The following WDR26 variants were observed in gnomAD, a reference collection of about 807,000 sequenced individuals.
WDR26 encodes WD repeat domain 26.
In WDR26, 5 loss-of-function variants were observed where a neutral mutation model predicts 84.1. The observed-to-expected ratio is 0.06, with a 90% CI of 0.03 to 0.13. The LOEUF (loss-of-function observed/expected upper bound fraction) is 0.13. Ranked by LOEUF, WDR26 falls within the 10% of genes least tolerant of loss-of-function variation. The pLI, the probability that WDR26 is intolerant of heterozygous loss-of-function variation, is 1.00. For missense variants in WDR26, 642 were observed against 974.9 expected, an observed-to-expected ratio of 0.66 and a Z score of 4.55; for synonymous variants, 415 against 389.6, an observed-to-expected ratio of 1.07 and a Z score of -0.77.
intron 6 of WDR26, among the ~76,000 whole-genome samples, chr1:224,416,764 C>A (rs1056137866): frequency 1.3e-5 from 2 of 151,874 alleles, no homozygotes; most frequent in African/African-American, 4.8e-5. Context: ...ATTTATGAAC[C>A]AAAAAAAGAT....
At chr1:224,419,436 C>T (rs1673993436) in intron 5 of WDR26, 82 bp downstream of exon 5, 3 of 1,047,376 alleles carry the variant, frequency 2.9e-6, no homozygotes, top group Admixed American at 1.8e-5. Context: ...CCAGATATTC[C>T]CCATCTGTCT....
intron 4 of WDR26, among the ~76,000 whole-genome samples, chr1:224,423,887 G>C (rs1674135890): frequency 6.6e-6 from 1 of 152,216 alleles, no homozygotes; most frequent in East Asian, 1.9e-4. Flanking sequence ...AGAGTATGTA[G>C]ATAGAGAATA....
At chr1:224,433,087 A>G (rs1056128326) in intron 1 of WDR26, among the ~76,000 whole-genome samples, 3 of 152,108 alleles carry the variant, frequency 2.0e-5, no homozygotes. Context: ...CGACATCAAC[A>G]CTGTATCTTC....
At chr1:224,414,726 C>A (rs557970199) in intron 6 of WDR26, among the ~76,000 whole-genome samples, 2 of 152,172 alleles carry the variant, frequency 1.3e-5, no homozygotes, top group South Asian at 4.2e-4. Context: ...ATACCTGTAA[C>A]CCTAGCACTT....
intron 3 of WDR26, chr1:224,430,220 T>C (rs1333493167): frequency 1.3e-5 from 2 of 152,322 alleles, no homozygotes; most frequent in East Asian, 1.9e-4. Context: ...TGAATATAGA[T>C]GTTTAACTAT....
rs1189152691 is a variant in WDR26, at chr1:224,434,121, C to T, written c.285G>A (p.Leu95=). The change falls in exon 1 of 14, where the codon CTG becomes CTA. Residue 95 remains leucine, a synonymous_variant. Transcript: ENST00000414423. Reference sequence around the variant, plus strand: ...TGGCCTGCATGATGCTGCCGCTGACCAGGCTGTGGCCGCTACTTCGGTGGG... The same window carrying T: ...TGGCCTGCATGATGCTGCCGCTGACTAGGCTGTGGCCGCTACTTCGGTGGG... 5 of 1,426,152 alleles carry T rather than the reference C, an allele frequency of 3.5e-6. No individual in the cohort carries two copies. Among genetic ancestry groups the T allele is most frequent in the Non-Finnish European group, 4.6e-6 (5 of 1,093,848 alleles). The allele number at this position is 1,426,152 out of a possible 1,614,324, so 88.3% of individuals were successfully genotyped here.
At chr1:224,414,680 G>T (rs1339565362) in intron 6 of WDR26, among the ~76,000 whole-genome samples, 3 of 151,914 alleles carry the variant, frequency 2.0e-5, no homozygotes, top group Non-Finnish European at 4.4e-5. Flanking sequence ...TAAATAATAG[G>T]AATTAAATTT....
chr1:224,385,490 T>C lies in WDR26; in HGVS notation c.*4345A>G, dbSNP rs537882772. 2.8e-4 allele frequency: 43 copies of C among 152,732 alleles called. No individual in the cohort carries two copies. The highest frequency in any genetic ancestry group is 9.9e-4 in the African/African-American group (41 of 41,562). The allele number at this position is 152,732 out of a possible 1,614,324, so 9.5% of individuals were successfully genotyped here. A position where few individuals can be genotyped will look rare whatever the true frequency, so the allele number is the denominator to read the frequency against. On this transcript the variant is annotated 3_prime_UTR_variant, in exon 14 of 14. Coordinates refer to ENST00000414423, the MANE Select transcript of WDR26 (RefSeq NM_001379403.1). ...AAACAAAAATCAAAACCCACCAAAA[T>C]TGAAGAACACAATCTTTTGAAACAT... is the stretch of plus-strand genomic sequence containing the variant.
intron 7 of WDR26, among the ~76,000 whole-genome samples, chr1:224,410,547 T>C (rs895057593): frequency 1.3e-5 from 2 of 151,954 alleles, no homozygotes; most frequent in African/African-American, 2.4e-5. Context: ...TTTTCATATA[T>C]ATCAATGGGA....
chr1:224,398,417 A>C, intron 11 of WDR26, 98 bp downstream of exon 11: 1 of 1,280,908 alleles, frequency 7.8e-7, no homozygotes, highest in South Asian at 1.5e-5. Flanking sequence ...TTTAAGGGTA[A>C]GTAGAAAATT....
intron 10 of WDR26, 105 bp downstream of exon 10, chr1:224,398,784 C>T (rs948402334): frequency 2.7e-5 from 38 of 1,430,984 alleles, no homozygotes; most frequent in East Asian, 4.8e-5. Context: ...CAAATTACCA[C>T]GCAAACCAAA....
rs1378777719 is a variant in WDR26 at position 224,387,799 on chromosome 1, T to G, written c.*2036A>C. The G allele has an allele frequency of 2.0e-5, 3 of 152,546 alleles. 1 individual carries two copies. Among genetic ancestry groups the G allele is most frequent in the African/African-American group, 7.2e-5 (3 of 41,404 alleles). 9.4% of individuals were successfully genotyped at this position (152,546 alleles called of 1,614,324 possible). A position where few individuals can be genotyped will look rare whatever the true frequency, so the allele number is the denominator to read the frequency against. ...CATGAATCACTTAAAATATGAATGG[T>G]TTTTAACTATACTGAGGTAAAGAGA... On this transcript the variant is annotated 3_prime_UTR_variant, in exon 14 of 14. Transcript: ENST00000414423.
chr1:224,405,639 G>C (rs1673529261), intron 7 of WDR26, among the ~76,000 whole-genome samples: 1 of 152,160 alleles, frequency 6.6e-6, no homozygotes. Context: ...TCATATTATA[G>C]GGAAAGAAAC....
intron 7 of WDR26, among the ~76,000 whole-genome samples, chr1:224,405,470 TG>T (rs1673525842): frequency 6.6e-6 from 1 of 152,222 alleles, no homozygotes. Flanking sequence ...ATGCTAACTC[TG>T]TTTAACATTT....
At chr1:224,395,410 C>A (rs1159131254) in intron 12 of WDR26, among the ~76,000 whole-genome samples, 4 of 151,932 alleles carry the variant, frequency 2.6e-5, no homozygotes, top group African/African-American at 9.7e-5. Context: ...GTTGAGGAAA[C>A]CTTAGAGGAT....
chr1:224,421,092 G>C (rs1674048554), intron 4 of WDR26, among the ~76,000 whole-genome samples: 1 of 152,058 alleles, frequency 6.6e-6, no homozygotes, highest in East Asian at 1.9e-4. Context: ...AAGTCACATG[G>C]TACAACTAAA....
At chr1:224,415,056 A>G (rs1257718287) in intron 6 of WDR26, among the ~76,000 whole-genome samples, 2 of 152,138 alleles carry the variant, frequency 1.3e-5, no homozygotes, top group Non-Finnish European at 2.9e-5. Context: ...TTCAGGTTCT[A>G]TTTTTGCAGT....
intron 12 of WDR26, 187 bp downstream of exon 12, chr1:224,397,910 C>T (rs1343429892): frequency 7.8e-6 from 5 of 642,334 alleles, no homozygotes; most frequent in African/African-American, 7.6e-5. Flanking sequence ...TAATACATGA[C>T]AGCATGTGAC....
At chr1:224,395,775 G>A (rs1673243850) in intron 12 of WDR26, among the ~76,000 whole-genome samples, 1 of 152,138 alleles carries the variant, frequency 6.6e-6, no homozygotes, top group Non-Finnish European at 1.5e-5. Context: ...TTGGTGAAAG[G>A]CAGGAAAAAC....
Sources: gnomAD v4.1 joint callset for allele counts (sites outside exome capture counted in the v4.1 genomes callset) on GRCh38, gnomAD v4.1.1 for gene constraint, MANE v1.5 for transcripts, NCBI Gene and HGNC (gene_info 2026-07-23, HGNC 2026-07-21) for gene names.